The following COG6 variants were observed in gnomAD, a reference collection of about 807,000 sequenced individuals.
COG6 encodes component of oligomeric golgi complex 6, also known as conserved oligomeric Golgi complex subunit 6.
Under a neutral mutation model 88.8 loss-of-function variants are expected in COG6, and 74 were observed. The observed-to-expected ratio is 0.83, with a 90% confidence interval of 0.69 to 1.01. The LOEUF is 1.01. COG6 is among the 50% of genes least tolerant of loss of function. COG6 has a pLI of 0.00. For synonymous variants in COG6, 286 were observed against 278.7 expected (o/e 1.03, Z -0.26); for missense variants, 800 against 797.9 (o/e 1.00, Z -0.03).
rs1566039925 is a variant in COG6, at chr13:39,752,117, C to A, written c.*1024C>A. 7.9e-7 allele frequency: 1 copy of A among 1,267,180 alleles called. No homozygotes were observed. The highest frequency in any genetic ancestry group is 1.3e-5 in the South Asian group (1 of 77,032). 78.5% of individuals were successfully genotyped at this position (1,267,180 alleles called of 1,614,324 possible). A position where few individuals can be genotyped will look rare whatever the true frequency, so the allele number is the denominator to read the frequency against. On this transcript the variant is annotated 3_prime_UTR_variant, in exon 19 of 19. Coordinates refer to ENST00000455146, the MANE Select transcript of COG6 (RefSeq NM_020751.3). ...GACTGTATTTTTAAAGGAATAAATCCCAGTGTGCCTGATTTGACATTCTTG... is the reference window on the plus strand; with the variant it reads ...GACTGTATTTTTAAAGGAATAAATCACAGTGTGCCTGATTTGACATTCTTG...
intron 18 of COG6, among the ~76,000 whole-genome samples, chr13:39,764,497 T>C (rs1881110982): frequency 6.6e-6 from 1 of 151,940 alleles, no homozygotes; most frequent in African/African-American, 2.4e-5. Context: ...CATTTAAATA[T>C]ATTTAATGTG....
exon 19 of COG6, chr13:39,789,520 C>T (rs1306918000): frequency 2.0e-5 from 3 of 152,124 alleles, no homozygotes; most frequent in Non-Finnish European, 4.4e-5. Context: ...CCTGCTCCAC[C>T]CTGACTCATT....
At position 39,687,514 on chromosome 13, in the gene COG6, A is replaced by G; in HGVS notation, c.800A>G (p.Asp267Gly). The stretch of plus-strand genomic sequence containing the variant: ...CTTGTTTCTTCTAGATATACCTTAG[A>G]TGAATTTGGAACAGCCAGAAGAAGT... The part of the protein sequence containing the change: ...DRPVLYKYTL[D>G]EFGTARRSTV... The change falls in exon 9 of 19, where the codon GAT becomes GGT. Residue 267 changes from aspartate to glycine, a missense_variant. Asp to Gly is a moderately conservative substitution (Grantham distance 94). Coordinates refer to ENST00000455146, the MANE Select transcript of COG6 (RefSeq NM_020751.3). The G allele has an allele frequency of 1.9e-6, 3 of 1,613,120 alleles. No individual in the cohort carries two copies. Among genetic ancestry groups the G allele is most frequent in the Non-Finnish European group, 2.5e-6 (3 of 1,179,360 alleles).
intron 4 of COG6, among the ~76,000 whole-genome samples, chr13:39,667,933 G>A (rs1875371544): frequency 6.6e-6 from 1 of 152,098 alleles, no homozygotes; most frequent in Non-Finnish European, 1.5e-5. Flanking sequence ...AGTTTTAAAG[G>A]AGAAATTTAG....
chr13:39,758,871 C>A (rs1880927805), intron 18 of COG6, among the ~76,000 whole-genome samples: 1 of 152,064 alleles, frequency 6.6e-6, no homozygotes, highest in Non-Finnish European at 1.5e-5. Flanking sequence ...TATATCCATA[C>A]AATGAAATAT....
At chr13:39,661,622 A>C (rs1874902495) in intron 3 of COG6, among the ~76,000 whole-genome samples, 1 of 151,938 alleles carries the variant, frequency 6.6e-6, no homozygotes, top group South Asian at 2.1e-4. Context: ...GTCTTGTCTA[A>C]ATTTTGATAT....
At chr13:39,655,976 C>A in intron 1 of COG6, 97 bp downstream of exon 1, 1 of 1,459,914 alleles carries the variant, frequency 6.8e-7, no homozygotes, top group Non-Finnish European at 9.4e-7. Flanking sequence ...TCTCCCTCGT[C>A]CCGGCAGCAG....
chr13:39,758,901 A>G (rs1880928601), intron 18 of COG6, among the ~76,000 whole-genome samples: 1 of 152,214 alleles, frequency 6.6e-6, no homozygotes, highest in Admixed American at 6.5e-5. Context: ...ATAAAAAGGA[A>G]TGGACTACTG....
Position 39,758,448 on chromosome 13 carries a change from A to G in COG6, c.1827-29887A>G, listed in dbSNP as rs754436036. Among the ~76,000 whole-genome samples the G allele has an allele frequency of 1.4e-4, 21 of 152,188 alleles. No homozygotes were observed. In the South Asian group the frequency reaches 1.7e-3, roughly 12 times the overall value. On this transcript the variant is annotated intron_variant, in intron 18 of 18. Transcript: ENST00000416691. ...GTGTGCCAAGTATTTGAATAGGTAA[A>G]GAAGATGCACAGATAGCTAACCCTA...
At chr13:39,786,855 G>A (rs1216788902) in intron 18 of COG6, among the ~76,000 whole-genome samples, 1 of 152,170 alleles carries the variant, frequency 6.6e-6, no homozygotes, top group East Asian at 1.9e-4. Context: ...TAGCATGCAT[G>A]AGAAGAGGAA....
chr13:39,712,629 G>A (rs552002809), intron 13 of COG6, among the ~76,000 whole-genome samples: 2 of 152,322 alleles, frequency 1.3e-5, no homozygotes, highest in East Asian at 3.9e-4. Context: ...GTTCTCACAT[G>A]TCATTTTAGT....
At chr13:39,788,686 T>C in exon 19 of COG6, 1 of 282,400 alleles carries the variant, frequency 3.5e-6, no homozygotes, top group Non-Finnish European at 6.7e-6. Context: ...GTGTTGGCTA[T>C]TATCACTATT....
Position 39,764,610 on chromosome 13 carries a change from T to C in COG6, c.1827-23725T>C, listed in dbSNP as rs139502404. 6.6e-5 allele frequency among the ~76,000 whole-genome samples: 10 copies of C among 152,152 alleles called. No individual in the cohort carries two copies. In the East Asian group the frequency reaches 1.5e-3, roughly 23 times the overall value. ...CTTCAGAAGTATTTGCTAATTTCCA[T>C]TGTGATTTATTGTTTGACTCATAGA... On this transcript the variant is annotated intron_variant, in intron 18 of 18. Transcript: ENST00000416691.
intron 12 of COG6, among the ~76,000 whole-genome samples, chr13:39,696,728 A>C (rs539940314): frequency 1.3e-5 from 2 of 151,400 alleles, no homozygotes; most frequent in Admixed American, 1.3e-4. Flanking sequence ...GATTGGGGAA[A>C]ATGTGAGGGT....
chr13:39,728,590 A>G (rs1158396862), intron 18 of COG6, among the ~76,000 whole-genome samples: 1 of 151,800 alleles, frequency 6.6e-6, no homozygotes, highest in African/African-American at 2.4e-5. Flanking sequence ...AAGATATTAT[A>G]CTATTTACAT....
intron 18 of COG6, among the ~76,000 whole-genome samples, chr13:39,759,126 C>G (rs1351456574): frequency 6.6e-6 from 1 of 152,034 alleles, no homozygotes; most frequent in East Asian, 1.9e-4. Context: ...ATAGAAATGT[C>G]CTGGAACTAC....
chr13:39,670,604 G>T (rs114795941), intron 4 of COG6, among the ~76,000 whole-genome samples: 2,957 of 152,032 alleles, frequency 0.019, 40 homozygotes, highest in South Asian at 0.033. Flanking sequence ...AATTATTTAC[G>T]TAAGTTGCTG....
At chr13:39,673,878 G>A (rs149297630) in intron 4 of COG6, among the ~76,000 whole-genome samples, 261 of 151,722 alleles carry the variant, frequency 1.7e-3, no homozygotes, top group African/African-American at 6.0e-3. Context: ...TATATCAAGA[G>A]GATCATTTTT....
At chr13:39,714,824 T>C (rs1016673539) in intron 13 of COG6, among the ~76,000 whole-genome samples, 2 of 152,184 alleles carry the variant, frequency 1.3e-5, no homozygotes, top group Admixed American at 6.5e-5. Flanking sequence ...CACATGTGTT[T>C]ATTGCAGCAC....
Sources: gnomAD v4.1 joint callset for allele counts (sites outside exome capture counted in the v4.1 genomes callset) on GRCh38, gnomAD v4.1.1 for gene constraint, MANE v1.5 for transcripts, NCBI Gene and HGNC (gene_info 2026-07-23, HGNC 2026-07-21) for gene names.